Variants in PPP1R9A observed in about 807,000 individuals in gnomAD.
PPP1R9A encodes neurabin-1.
Under a neutral mutation model 141.9 loss-of-function variants are expected in PPP1R9A, and 59 were observed. The observed-to-expected ratio is 0.42, with a 90% confidence interval of 0.34 to 0.52. PPP1R9A has a LOEUF of 0.52. Among genes scored for constraint, PPP1R9A ranks in the 20% least tolerant of loss-of-function variants. The pLI is 0.10. For synonymous variants in PPP1R9A, 500 were observed against 569.7 expected (o/e 0.88, Z 1.74); for missense variants, 1,444 against 1,611.9 (o/e 0.90, Z 1.78).
At chr7:95,221,113 A>T (rs941420998) in intron 7 of PPP1R9A, among the ~76,000 whole-genome samples, 1 of 152,108 alleles carries the variant, frequency 6.6e-6, no homozygotes, top group Non-Finnish European at 1.5e-5. Context: ...CAAGATACAG[A>T]TGAGAAAATC....
chr7:94,987,759 T>C (rs1427544558), intron 2 of PPP1R9A, among the ~76,000 whole-genome samples: 7 of 152,176 alleles, frequency 4.6e-5, no homozygotes, highest in Non-Finnish European at 1.5e-5. Flanking sequence ...TGTTCTCTTC[T>C]TTTGAAAACA....
At chr7:94,945,386 T>A (rs566449313) in intron 2 of PPP1R9A, among the ~76,000 whole-genome samples, 1 of 152,038 alleles carries the variant, frequency 6.6e-6, no homozygotes, top group Non-Finnish European at 1.5e-5. Context: ...GCTGAAAGCT[T>A]GGAGAAAAAA....
In PPP1R9A at chr7:94,907,624, TCC is replaced by T. The variant is rs1282581234; in HGVS notation, c.-293_-292del. On this transcript the variant is annotated 5_prime_UTR_variant, in exon 1 of 20. Transcript: ENST00000433360. ...TCGCCCTTCCTTGGCCGCCAGAGGC[TCC>T]CTCTCTCTCCCTCTCCCGGGATTTT... 1 of 151,916 alleles carries T rather than the reference TCC, an allele frequency of 6.6e-6. No homozygotes were observed. Among genetic ancestry groups the T allele is most frequent in the African/African-American group, 2.4e-5 (1 of 41,260 alleles). 9.4% of individuals were successfully genotyped at this position (151,916 alleles called of 1,614,324 possible).
intron 2 of PPP1R9A, among the ~76,000 whole-genome samples, chr7:95,044,771 C>T (rs976474749): frequency 1.3e-5 from 2 of 149,836 alleles, no homozygotes; most frequent in African/African-American, 4.9e-5. Flanking sequence ...AGGTGTCTCA[C>T]TGTGTGGTCC....
intron 2 of PPP1R9A, among the ~76,000 whole-genome samples, chr7:94,948,392 A>G (rs1796113783): frequency 6.6e-6 from 1 of 151,904 alleles, no homozygotes; most frequent in Admixed American, 6.6e-5. Context: ...TGTTTTCCCC[A>G]TTCCCCCATC....
intron 4 of PPP1R9A, among the ~76,000 whole-genome samples, chr7:95,121,698 C>T (rs1316680989): frequency 1.3e-5 from 2 of 151,972 alleles, no homozygotes; most frequent in Non-Finnish European, 2.9e-5. Context: ...ATTAAGGGGC[C>T]ACATCTGATG....
chr7:95,215,868 A>G (rs1055360353), intron 7 of PPP1R9A, among the ~76,000 whole-genome samples: 2 of 152,134 alleles, frequency 1.3e-5, no homozygotes, highest in Admixed American at 6.5e-5. Flanking sequence ...GATTCTGGAT[A>G]TTAGCCCTTT....
At chr7:95,234,132 GC>G (rs1179963396) in intron 8 of PPP1R9A, among the ~76,000 whole-genome samples, 1 of 152,132 alleles carries the variant, frequency 6.6e-6, no homozygotes, top group Non-Finnish European at 1.5e-5. Context: ...AGACAAGGAT[GC>G]CCACTTTCAG....
chr7:95,161,205 A>G (rs915028673), intron 4 of PPP1R9A, among the ~76,000 whole-genome samples: 3 of 151,278 alleles, frequency 2.0e-5, no homozygotes, highest in African/African-American at 7.3e-5. Flanking sequence ...TTAACTTTTT[A>G]GTAATAGCCA....
At chr7:95,027,841 A>G (rs1352788233) in intron 2 of PPP1R9A, among the ~76,000 whole-genome samples, 1 of 152,152 alleles carries the variant, frequency 6.6e-6, no homozygotes, top group Non-Finnish European at 1.5e-5. Context: ...ACTGTATGGT[A>G]TTATAATCTT....
intron 2 of PPP1R9A, among the ~76,000 whole-genome samples, chr7:95,022,227 G>A (rs888735124): frequency 1.3e-5 from 2 of 152,028 alleles, no homozygotes; most frequent in Non-Finnish European, 2.9e-5. Context: ...TATTCTCTTT[G>A]TAGCAATTGT....
At chr7:95,173,549 C>T (rs1236767535) in intron 5 of PPP1R9A, among the ~76,000 whole-genome samples, 1 of 151,520 alleles carries the variant, frequency 6.6e-6, no homozygotes, top group Non-Finnish European at 1.5e-5. Context: ...TACAAAATAC[C>T]CTTAAGAAAA....
chr7:95,195,424 G>A (rs1195765459), intron 5 of PPP1R9A, among the ~76,000 whole-genome samples: 2 of 150,642 alleles, frequency 1.3e-5, no homozygotes, highest in African/African-American at 4.9e-5. Context: ...AAAACTACAG[G>A]TGCATGCCAC....
At position 95,250,156 on chromosome 7, in the gene PPP1R9A, A is replaced by G; in HGVS notation, c.2297A>G (p.His766Arg). 1 of 1,614,038 alleles carries G rather than the reference A, an allele frequency of 6.2e-7. No homozygotes were observed. The highest frequency in any genetic ancestry group is 8.5e-7 in the Non-Finnish European group (1 of 1,179,962). Residue 766 changes from histidine to arginine, a missense_variant, in exon 10 of 20, where the codon CAC becomes CGC. Around this residue, in one of 5 missense-constraint regions of PPP1R9A, gnomAD observed 488 missense variants for 542.0 expected, o/e 0.90. Transcript: ENST00000433360. ...TGGATTGAGGCCCAAACATTATGCCACACAGTGAATGAGCATCTCAAAGAG... is the reference window on the plus strand; with the variant it reads ...TGGATTGAGGCCCAAACATTATGCCGCACAGTGAATGAGCATCTCAAAGAG... Reference protein sequence around the residue: ...SYWIEAQTLCHTVNEHLKETQ... With the variant: ...SYWIEAQTLCRTVNEHLKETQ...
At chr7:95,094,093 A>G (rs1381452981) in intron 2 of PPP1R9A, among the ~76,000 whole-genome samples, 1 of 152,212 alleles carries the variant, frequency 6.6e-6, no homozygotes, top group Non-Finnish European at 1.5e-5. Context: ...AGGAGAGACC[A>G]ACAAATATGA....
chr7:95,029,140 A>G (rs186980140), intron 2 of PPP1R9A, among the ~76,000 whole-genome samples: 18 of 152,316 alleles, frequency 1.2e-4, no homozygotes, highest in African/African-American at 4.1e-4. Flanking sequence ...GTTAACATAC[A>G]GAGGCCGCGT....
chr7:94,918,900 G>A (rs1435538406), intron 2 of PPP1R9A, among the ~76,000 whole-genome samples: 1 of 152,196 alleles, frequency 6.6e-6, no homozygotes, highest in Non-Finnish European at 1.5e-5. Flanking sequence ...GTGGCATGAT[G>A]TGGGAGCAAC....
intron 14 of PPP1R9A, among the ~76,000 whole-genome samples, chr7:95,271,607 A>C (rs967004325): frequency 2.6e-5 from 4 of 152,190 alleles, no homozygotes; most frequent in Non-Finnish European, 5.9e-5. Context: ...CCCCATTATA[A>C]AGGAAGAGAT....
chr7:95,054,226 C>T (rs1004716381), intron 2 of PPP1R9A, among the ~76,000 whole-genome samples: 1 of 151,724 alleles, frequency 6.6e-6, no homozygotes, highest in African/African-American at 2.4e-5. Context: ...AGCTATTCCC[C>T]TGCCTTGGCC....
Sources: allele counts gnomAD v4.1 joint callset (sites outside exome capture counted in the v4.1 genomes callset), GRCh38; gene constraint gnomAD v4.1.1; regional missense constraint gnomAD v4.1.1; transcripts MANE v1.5; gene names NCBI Gene and HGNC (gene_info 2026-07-23, HGNC 2026-07-21).